The following GAPVD1 variants were observed in gnomAD, a reference collection of about 807,000 sequenced individuals.
GAPVD1 encodes GTPase activating protein and VPS9 domains 1, also known as GTPase-activating protein and VPS9 domain-containing protein 1.
A neutral mutation model predicts 155.5 loss-of-function variants in GAPVD1; 35 were observed. The ratio of observed to expected loss-of-function variants is 0.23; its 90% CI spans 0.17 to 0.30. The LOEUF (loss-of-function observed/expected upper bound fraction) is 0.30. Ranked by LOEUF, GAPVD1 falls within the 10% of genes least tolerant of loss-of-function variation. The probability of loss-of-function intolerance (pLI) is 1.00; values close to 1 mark genes in which losing one functional copy is unlikely to be tolerated. For missense variants in GAPVD1, 1,429 were observed against 1,775.7 expected (o/e 0.80, Z 3.51); for synonymous variants, 636 against 619.7 (o/e 1.03, Z -0.39).
Position 125,354,805 on chromosome 9 carries a change from G to C in GAPVD1, c.3721G>C (p.Glu1241Gln). Residue 1241 changes from glutamate to glutamine, a missense_variant, in exon 24 of 28, where the codon GAG (glutamate) becomes CAG (glutamine). Glu to Gln is a conservative substitution (Grantham distance 29). Around this residue, in one of 4 missense-constraint regions of GAPVD1, gnomAD observed 699 missense variants for 826.0 expected, o/e 0.85. Coordinates refer to ENST00000297933, the MANE Select transcript of GAPVD1 (RefSeq NM_001282680.3). ...CACTGTCTGTGTGAGATTACTGCTTGAGAGCAAAGAAAAGAAGATCAGGGA... is the reference window on the plus strand; with the variant it reads ...CACTGTCTGTGTGAGATTACTGCTTCAGAGCAAAGAAAAGAAGATCAGGGA... ...FTTVCVRLLLESKEKKIREFI... is the reference protein window; with the variant it reads ...FTTVCVRLLLQSKEKKIREFI... 6.2e-7 allele frequency: 1 copy of C among 1,613,912 alleles called. No homozygotes were observed. Among genetic ancestry groups the C allele is most frequent in the South Asian group, 1.1e-5 (1 of 91,046 alleles).
chr9:125,307,402 T>C lies in GAPVD1; in HGVS notation c.1117-11T>C. Reference sequence around the variant, plus strand: ...GGGAAATGTTTCACTGTTTTTTTCCTGTTTTAACAGAGCTGTGTTGCCGCT... The same window carrying C: ...GGGAAATGTTTCACTGTTTTTTTCCCGTTTTAACAGAGCTGTGTTGCCGCT... On this transcript the variant is annotated splice_polypyrimidine_tract_variant and intron_variant, in intron 6 of 27. Coordinates refer to ENST00000297933, the MANE Select transcript of GAPVD1 (RefSeq NM_001282680.3). 6.4e-7 allele frequency: 1 copy of C among 1,554,452 alleles called. No individual in the cohort carries two copies. The highest frequency in any genetic ancestry group is 2.3e-5 in the East Asian group (1 of 43,958).
At chr9:125,279,040 CG>C (rs1158367463) in intron 2 of GAPVD1, among the ~76,000 whole-genome samples, 1 of 150,164 alleles carries the variant, frequency 6.7e-6, no homozygotes, top group Non-Finnish European at 1.5e-5. Flanking sequence ...GGTGAAACCC[CG>C]TATCTACTGA....
intron 9 of GAPVD1, among the ~76,000 whole-genome samples, chr9:125,313,896 CAG>C (rs1588883300): frequency 6.6e-6 from 1 of 152,194 alleles, no homozygotes; most frequent in East Asian, 1.9e-4. Flanking sequence ...TCACTGCACC[CAG>C]CCAATGAATT....
At chr9:125,310,696 C>T (rs1161794287) in intron 8 of GAPVD1, among the ~76,000 whole-genome samples, 14 of 149,496 alleles carry the variant, frequency 9.4e-5, no homozygotes, top group South Asian at 4.2e-4. Context: ...TGTGCCACCA[C>T]GCCAGCTAAT....
In GAPVD1 at chr9:125,263,907, A is replaced by G. The variant is rs560461531; in HGVS notation, c.-199+1948A>G. 3.9e-4 allele frequency: 566 copies of G among 1,438,270 alleles called. 1 individual carries two copies. The highest frequency in any genetic ancestry group is 4.8e-4 in the Non-Finnish European group (495 of 1,023,994). The allele number at this position is 1,438,270 out of a possible 1,614,324, so 89.1% of individuals were successfully genotyped here. On this transcript the variant is annotated intron_variant, in intron 1 of 27. Transcript: ENST00000297933. ...CCCTCATTGGTAAGGTACCAGTAGA[A>G]ATGTCTCCAGGCAAACTGTTCCTTC...
chr9:125,323,854 TCAGAACTTGGAG>T lies in GAPVD1; in HGVS notation c.1793_1804del (p.Glu598_Ala601del), dbSNP rs1331338966. ...CCTAGACCTAGAAGGAGAGTCTGTG[TCAGAACTTGGAG>T]CAGGACCTTCTGGCAGTAATGGAGT... On this transcript the variant is annotated inframe_deletion, in exon 11 of 28. Coordinates refer to ENST00000297933, the MANE Select transcript of GAPVD1 (RefSeq NM_001282680.3). 3.1e-6 allele frequency: 5 copies of T among 1,613,240 alleles called. No homozygotes were observed. The South Asian group carries it at 5.5e-5, about 18-fold the overall frequency.
At chr9:125,264,265 G>A (rs1833457764) in intron 1 of GAPVD1, among the ~76,000 whole-genome samples, 1 of 152,266 alleles carries the variant, frequency 6.6e-6, no homozygotes, top group South Asian at 2.1e-4. Flanking sequence ...CATGATCTCC[G>A]CTCACTGCGA....
intron 9 of GAPVD1, among the ~76,000 whole-genome samples, chr9:125,316,969 T>C (rs139829646): frequency 0.012 from 1,803 of 152,314 alleles, 49 homozygotes; most frequent in African/African-American, 0.041. Flanking sequence ...GCAAAACTTA[T>C]GAGGCATATA....
At chr9:125,322,914 G>A (rs914589192) in intron 10 of GAPVD1, among the ~76,000 whole-genome samples, 6 of 151,860 alleles carry the variant, frequency 4.0e-5, no homozygotes, top group Non-Finnish European at 8.8e-5. Context: ...TTAGCTGGGT[G>A]TGGCAGCGTG....
At chr9:125,287,192 C>T (rs1013920758) in intron 2 of GAPVD1, among the ~76,000 whole-genome samples, 1 of 152,068 alleles carries the variant, frequency 6.6e-6, no homozygotes, top group Non-Finnish European at 1.5e-5. Flanking sequence ...GAAATTGGAA[C>T]ATCTGCATGA....
chr9:125,294,964 G>A (rs950849735), intron 2 of GAPVD1, among the ~76,000 whole-genome samples: 1 of 151,812 alleles, frequency 6.6e-6, no homozygotes, highest in Admixed American at 6.6e-5. Context: ...AAAATGTTTA[G>A]ATTAGTTGAT....
At chr9:125,290,810 A>G (rs1480770436) in intron 2 of GAPVD1, among the ~76,000 whole-genome samples, 3 of 152,014 alleles carry the variant, frequency 2.0e-5, no homozygotes, top group African/African-American at 7.2e-5. Flanking sequence ...CAGCCTAGGT[A>G]ACACAATCAG....
At chr9:125,312,167 G>A (rs1842762632) in intron 8 of GAPVD1, among the ~76,000 whole-genome samples, 1 of 152,206 alleles carries the variant, frequency 6.6e-6, no homozygotes, top group Admixed American at 6.5e-5. Context: ...ATTGTGACAT[G>A]TTTGCTGTTC....
intron 15 of GAPVD1, among the ~76,000 whole-genome samples, chr9:125,334,726 C>T (rs1239542672): frequency 6.6e-6 from 1 of 151,614 alleles, no homozygotes; most frequent in Non-Finnish European, 1.5e-5. Context: ...ATGGTGAGAC[C>T]TCGTCTCTAC....
At chr9:125,278,234 C>T (rs1836133008) in intron 2 of GAPVD1, among the ~76,000 whole-genome samples, 1 of 152,144 alleles carries the variant, frequency 6.6e-6, no homozygotes, top group Admixed American at 6.5e-5. Flanking sequence ...AAAATGCTCA[C>T]ATTAGGCTGG....
chr9:125,362,225 T>G (rs1851038333), intron 27 of GAPVD1, among the ~76,000 whole-genome samples: 1 of 152,232 alleles, frequency 6.6e-6, no homozygotes, highest in Non-Finnish European at 1.5e-5. Flanking sequence ...CTTTCTCAGC[T>G]TATTCTCCCT....
chr9:125,302,167 A>G lies in GAPVD1; in HGVS notation c.370A>G (p.Asn124Asp). Reference sequence around the variant, plus strand: ...TGCTGGAGAGAAACTTAATCAGGAGAACACACAAAGTGTTATTTACACAGT... The same window carrying G: ...TGCTGGAGAGAAACTTAATCAGGAGGACACACAAAGTGTTATTTACACAGT... ...LVAGEKLNQE[N>D]TQSVIYTVFT... The change falls in exon 5 of 28, where the codon AAC becomes GAC. Residue 124 changes from asparagine to aspartate, a missense_variant. Physicochemically the swap from Asn to Asp is conservative, Grantham distance 23 (BLOSUM62 1). Coordinates refer to ENST00000297933, the MANE Select transcript of GAPVD1 (RefSeq NM_001282680.3). The G allele has an allele frequency of 6.2e-7, 1 of 1,613,982 alleles. No individual in the cohort carries two copies. Among genetic ancestry groups the G allele is most frequent in the East Asian group, 2.2e-5 (1 of 44,878 alleles).
In GAPVD1 at chr9:125,305,223, C is replaced by T. The variant is rs140954260; in HGVS notation, c.1116+74C>T. The T allele has an allele frequency of 1.7e-4, 162 of 931,428 alleles. No homozygotes were observed. In the East Asian group the frequency reaches 4.0e-3, roughly 23 times the overall value. 57.7% of individuals were successfully genotyped at this position (931,428 alleles called of 1,614,324 possible). ...AACTGTTCTCTTTATTAAATCTTGT[C>T]CTTAGGTGATATCTAAATTAAATGT... On this transcript the variant is annotated intron_variant, in intron 6 of 27. Coordinates refer to ENST00000297933, the MANE Select transcript of GAPVD1 (RefSeq NM_001282680.3).
chr9:125,359,335 G>GA, intron 25 of GAPVD1, 85 bp from the exon 26 acceptor site: 1 of 793,076 alleles, frequency 1.3e-6, no homozygotes, highest in Non-Finnish European at 2.3e-6. Flanking sequence ...CATGTTTCAC[G>GA]TGTTTTGTAA....
Sources: gnomAD v4.1 joint callset for allele counts (sites outside exome capture counted in the v4.1 genomes callset) on GRCh38, gnomAD v4.1.1 for gene constraint, gnomAD v4.1.1 regional missense constraint, MANE v1.5 for transcripts, NCBI Gene and HGNC (gene_info 2026-07-23, HGNC 2026-07-21) for gene names.